The following PLCB4 variants were observed in gnomAD, a reference collection of about 807,000 sequenced individuals.
PLCB4 encodes the protein phospholipase C beta 4, also known as 1-phosphatidylinositol 4,5-bisphosphate phosphodiesterase beta-4.
A neutral mutation model predicts 178.8 loss-of-function variants in PLCB4; 77 were observed. The observed-to-expected ratio is 0.43, with a 90% CI of 0.36 to 0.52. The LOEUF is 0.52. Among genes scored for constraint, PLCB4 ranks in the 20% least tolerant of loss-of-function variants. The probability of loss-of-function intolerance (pLI) is 0.00; values close to 1 mark genes in which losing one functional copy is unlikely to be tolerated. For missense variants in PLCB4, 1,024 were observed against 1,453.4 expected, an observed-to-expected ratio of 0.70 and a Z score of 4.80; for synonymous variants, 496 against 490.8, an observed-to-expected ratio of 1.01 and a Z score of -0.14.
chr20:9,213,742 G>T (rs1320498665), intron 2 of PLCB4, among the ~76,000 whole-genome samples: 2 of 152,170 alleles, frequency 1.3e-5, no homozygotes, highest in African/African-American at 4.8e-5. Context: ...CTGCTAGACT[G>T]TTTTCCAAAG....
At chr20:9,274,827 G>C (rs2094437386) in intron 3 of PLCB4, among the ~76,000 whole-genome samples, 1 of 152,022 alleles carries the variant, frequency 6.6e-6, no homozygotes, top group South Asian at 2.1e-4. Context: ...AGGTTTTCAA[G>C]TAGTAAAATT....
At chr20:9,423,703 G>A (rs779183546) in intron 27 of PLCB4, 45 bp from the exon 28 acceptor site, 1 of 1,462,028 alleles carries the variant, frequency 6.8e-7, no homozygotes, top group Non-Finnish European at 9.6e-7. Context: ...ATGGTTCTTG[G>A]GCGCTGCATT....
chr20:9,436,883 G>T, intron 29 of PLCB4, 119 bp from the exon 30 acceptor site: 2 of 894,336 alleles, frequency 2.2e-6, no homozygotes, highest in East Asian at 5.3e-5. Context: ...GCCTTTAAGA[G>T]AGTAGAAGTC....
At chr20:9,128,427 T>G (rs1267788829) in intron 2 of PLCB4, among the ~76,000 whole-genome samples, 1 of 152,050 alleles carries the variant, frequency 6.6e-6, no homozygotes, top group Non-Finnish European at 1.5e-5. Context: ...TTTTTTAAAT[T>G]AGTTTTTGAA....
chr20:9,113,300 A>G (rs1199736335), intron 2 of PLCB4, among the ~76,000 whole-genome samples: 1 of 152,192 alleles, frequency 6.6e-6, no homozygotes, highest in African/African-American at 2.4e-5. Flanking sequence ...GCTTCCTCAG[A>G]TAGCAGCACA....
At chr20:9,424,723 T>C (rs2040875714) in intron 28 of PLCB4, among the ~76,000 whole-genome samples, 2 of 152,128 alleles carry the variant, frequency 1.3e-5, no homozygotes, top group South Asian at 4.1e-4. Flanking sequence ...ACCTCCCTCA[T>C]AGCATTATTG....
intron 2 of PLCB4, among the ~76,000 whole-genome samples, chr20:9,135,631 A>C (rs2092366888): frequency 6.6e-6 from 1 of 152,124 alleles, no homozygotes; most frequent in Non-Finnish European, 1.5e-5. Context: ...ATAGATGTTT[A>C]TGCAAGGTTT....
intron 2 of PLCB4, among the ~76,000 whole-genome samples, chr20:9,109,563 C>T (rs185993251): frequency 1.4e-4 from 22 of 151,936 alleles, no homozygotes; most frequent in African/African-American, 5.1e-4. Flanking sequence ...AACTTACCTA[C>T]AATACACATA....
At chr20:9,370,631 G>C (rs2036169623) in intron 9 of PLCB4, among the ~76,000 whole-genome samples, 1 of 152,142 alleles carries the variant, frequency 6.6e-6, no homozygotes, top group South Asian at 2.1e-4. Context: ...TCCCAGGCCA[G>C]GCGCTGTGGC....
chr20:9,153,304 C>G (rs958676297), intron 2 of PLCB4, among the ~76,000 whole-genome samples: 8 of 152,040 alleles, frequency 5.3e-5, no homozygotes, highest in Non-Finnish European at 1.2e-4. Flanking sequence ...TGCCTGTGTC[C>G]CCATCCAAAA....
intron 2 of PLCB4, among the ~76,000 whole-genome samples, chr20:9,216,535 C>T (rs2093735242): frequency 6.8e-6 from 1 of 147,830 alleles, no homozygotes; most frequent in Non-Finnish European, 1.5e-5. Context: ...AGTTTTACTC[C>T]GTTGCCCAGG....
Position 9,389,960 on chromosome 20 carries a change from T to G in PLCB4, c.1238+2T>G. 1 of 1,485,302 alleles carries G rather than the reference T, an allele frequency of 6.7e-7. No homozygotes were observed. Among genetic ancestry groups the G allele is most frequent in the Non-Finnish European group, 9.4e-7 (1 of 1,065,458 alleles). The allele number at this position is 1,485,302 out of a possible 1,614,324, so 92.0% of individuals were successfully genotyped here. On this transcript the variant is annotated splice_donor_variant, in intron 16 of 39. Coordinates refer to ENST00000378473, the MANE Select transcript of PLCB4 (RefSeq NM_001377142.1). LOFTEE classifies it high-confidence loss of function. ...TCTCTCCTTTGAAAATCACTGCAGG[T>G]ATAATGATCCATTCTGCCACAAGTC...
chr20:9,128,730 T>C (rs2092196581), intron 2 of PLCB4, among the ~76,000 whole-genome samples: 1 of 152,186 alleles, frequency 6.6e-6, no homozygotes, highest in Non-Finnish European at 1.5e-5. Context: ...TGACATTAAG[T>C]ACATTCACAG....
At chr20:9,286,534 G>A (rs1032541697) in intron 3 of PLCB4, among the ~76,000 whole-genome samples, 4 of 151,990 alleles carry the variant, frequency 2.6e-5, no homozygotes, top group Non-Finnish European at 4.4e-5. Context: ...TATTCCATGA[G>A]GCCAAGAGAG....
At chr20:9,453,904 T>C (rs1362725265) in intron 33 of PLCB4, among the ~76,000 whole-genome samples, 1 of 152,214 alleles carries the variant, frequency 6.6e-6, no homozygotes, top group Non-Finnish European at 1.5e-5. Flanking sequence ...ATAATCATAG[T>C]ACAGTTGTCA....
In PLCB4 at chr20:9,371,232, A is replaced by G. The variant is rs774069201; in HGVS notation, c.522A>G (p.Ala174=). ...IPVRSITRTF[A]SGKTEKVIFQ... is the part of the protein sequence containing the mutation. ...GCCCTAGTATTACTAGAACATTTGCATCGGGAAAAACAGAAAAGGTGATCT... is the reference window on the plus strand; with the variant it reads ...GCCCTAGTATTACTAGAACATTTGCGTCGGGAAAAACAGAAAAGGTGATCT... Residue 174 remains alanine, a synonymous_variant, in exon 10 of 40, where the codon GCA becomes GCG. Transcript: ENST00000378473. 6 of 1,607,606 alleles carry G rather than the reference A, an allele frequency of 3.7e-6. No homozygotes were observed. The highest frequency in any genetic ancestry group is 8.5e-7 in the Non-Finnish European group (1 of 1,174,146).
rs1417628099 is a variant in PLCB4, at chr20:9,206,302, T to TC, written c.-78-11088_-78-11087insC. On this transcript the variant is annotated intron_variant, in intron 2 of 39. Transcript: ENST00000378473. ...TCCTGCCTTTTTTTTCTTTTTTCTT[T>TC]TTTTTTTTTTTTTTTTTTTTGGTCA... Among the ~76,000 whole-genome samples the TC allele has an allele frequency of 2.6e-3, 138 of 53,664 alleles. 1 individual carries two copies. Among genetic ancestry groups the TC allele is most frequent in the African/African-American group, 0.012 (129 of 10,944 alleles). 35.2% of individuals were successfully genotyped at this position (53,664 alleles called of 152,430 possible). A position where few individuals can be genotyped will look rare whatever the true frequency, so the allele number is the denominator to read the frequency against.
At chr20:9,335,546 C>A (rs987454728) in intron 4 of PLCB4, among the ~76,000 whole-genome samples, 1 of 152,088 alleles carries the variant, frequency 6.6e-6, no homozygotes, top group African/African-American at 2.4e-5. Flanking sequence ...AATTTGCTAC[C>A]ACTATTACAA....
At chr20:9,348,518 G>A (rs1051748240) in intron 7 of PLCB4, among the ~76,000 whole-genome samples, 2 of 152,092 alleles carry the variant, frequency 1.3e-5, no homozygotes, top group Non-Finnish European at 2.9e-5. Context: ...TATGGGTGAT[G>A]CAATAGGACA....
Sources: allele counts gnomAD v4.1 joint callset (sites outside exome capture counted in the v4.1 genomes callset), GRCh38; gene constraint gnomAD v4.1.1; transcripts MANE v1.5; gene names NCBI Gene and HGNC (gene_info 2026-07-23, HGNC 2026-07-21).